UROC1: variants seen among roughly 807,000 people sequenced by gnomAD.
UROC1 encodes urocanate hydratase 1.
In UROC1, 79 loss-of-function variants were observed where a neutral mutation model predicts 89.5. That is an observed-to-expected ratio of 0.88 (90% CI 0.74 to 1.06). The LOEUF is 1.06. Among genes scored for constraint, UROC1 ranks in the 50% least tolerant of loss-of-function variants. The pLI, the probability that UROC1 is intolerant of heterozygous loss-of-function variation, is 0.00. For synonymous variants in UROC1, 361 were observed against 354.8 expected (o/e 1.02, Z -0.20); for missense variants, 885 against 907.8 (o/e 0.97, Z 0.32).
In UROC1 at chr3:126,500,838, C is replaced by T. The variant is rs777079949; in HGVS notation, c.1002G>A (p.Glu334=). 6.2e-7 allele frequency: 1 copy of T among 1,613,950 alleles called. No individual in the cohort carries two copies. Among genetic ancestry groups the T allele is most frequent in the Admixed American group, 1.7e-5 (1 of 60,032 alleles). Residue 334 remains glutamate, a synonymous_variant, in exon 11 of 20, where the codon GAG becomes GAA. Transcript: ENST00000290868. ...RLVHELDTTG[E]CLVDLGSDQT... is the part of the protein sequence containing the mutation. ...GATCTGACCCCAGGTCCACCAAGCA[C>T]TCCCCCGTCGTGTCCAATTCGTGGA... is the stretch of plus-strand genomic sequence containing the variant.
intron 1 of UROC1, among the ~76,000 whole-genome samples, chr3:126,511,527 G>A (rs1452720731): frequency 6.6e-6 from 1 of 152,240 alleles, no homozygotes; most frequent in African/African-American, 2.4e-5. Flanking sequence ...TTTTACTCAC[G>A]TGCTAGACAA....
At chr3:126,490,145 G>A (rs541003980) in intron 16 of UROC1, among the ~76,000 whole-genome samples, 1 of 152,338 alleles carries the variant, frequency 6.6e-6, no homozygotes, top group East Asian at 1.9e-4. Context: ...CGTGCTGCCA[G>A]TCTCTCTGAG....
chr3:126,503,104 G>A (rs1161462777), intron 9 of UROC1, among the ~76,000 whole-genome samples: 1 of 152,160 alleles, frequency 6.6e-6, no homozygotes, highest in African/African-American at 2.4e-5. Context: ...GAGTTAGGTC[G>A]GGGAAGCCCC....
intron 2 of UROC1, among the ~76,000 whole-genome samples, chr3:126,509,953 C>G (rs1936159360): frequency 6.6e-6 from 1 of 152,256 alleles, no homozygotes; most frequent in Non-Finnish European, 1.5e-5. Context: ...CCAGAAGCCT[C>G]TCCGTCTGGG....
intron 11 of UROC1, 114 bp downstream of exon 11, chr3:126,500,581 A>AT: frequency 7.7e-7 from 1 of 1,297,118 alleles, no homozygotes; most frequent in East Asian, 2.3e-5. Context: ...AGAGAGGTTA[A>AT]GGTCTTGCCC....
At position 126,481,448 on chromosome 3, in the gene UROC1, C is replaced by T. The variant is rs800950; in HGVS notation, c.*897G>A. The T allele has an allele frequency of 0.43, 65,841 of 152,126 alleles. 15,561 individuals are homozygous for T. The highest frequency in any genetic ancestry group is 0.56 in the Middle Eastern group (164 of 294). The allele number at this position is 152,126 out of a possible 1,614,324, so 9.4% of individuals were successfully genotyped here. On this transcript the variant is annotated 3_prime_UTR_variant, in exon 20 of 20. Coordinates refer to ENST00000290868, the MANE Select transcript of UROC1 (RefSeq NM_144639.3). ...TCCTGGAGAGGGCAGTGGCCTGCCC[C>T]TCTCCAATCCACCGACATGTGGGGT...
At chr3:126,483,284 G>T (rs1935431892) in intron 19 of UROC1, 85 bp downstream of exon 19, 4 of 1,239,216 alleles carry the variant, frequency 3.2e-6, no homozygotes, top group Non-Finnish European at 2.3e-6. Flanking sequence ...ACACCCAGGA[G>T]ATGCTGTATG....
rs1220124968 is a variant in UROC1, at chr3:126,496,207, A to G, written c.1439-99T>C. On this transcript the variant is annotated intron_variant, in intron 14 of 19. Coordinates refer to ENST00000290868, the MANE Select transcript of UROC1 (RefSeq NM_144639.3). The stretch of plus-strand genomic sequence containing the variant: ...TCAGCACAGACCCTGCCCCGAGCCC[A>G]CCACTGAGCTAGGACACAAGGTGAG... The G allele has an allele frequency of 7.3e-6, 9 of 1,233,928 alleles. No homozygotes were observed. In the South Asian group the frequency reaches 9.0e-5, roughly 12 times the overall value. The allele number at this position is 1,233,928 out of a possible 1,614,324, so 76.4% of individuals were successfully genotyped here. A position where few individuals can be genotyped will look rare whatever the true frequency, so the allele number is the denominator to read the frequency against.
At position 126,502,851 on chromosome 3, in the gene UROC1, ATG is replaced by A. The variant is rs1345725691; in HGVS notation, c.902+1142_902+1143del. On this transcript the variant is annotated intron_variant, in intron 9 of 19. Transcript: ENST00000290868. ...TGTTAAGTGTGTTCATGTGTGTTAC[ATG>A]TGTGTTGTGTGTTTGTGTGTGCAAG... is the stretch of plus-strand genomic sequence containing the variant. Among the ~76,000 whole-genome samples, 6 of 145,032 alleles carry A rather than the reference ATG, an allele frequency of 4.1e-5. No individual in the cohort carries two copies. In the East Asian group the frequency reaches 1.1e-3, roughly 25 times the overall value.
chr3:126,508,270 C>T, intron 4 of UROC1, 146 bp downstream of exon 4: 1 of 1,385,594 alleles, frequency 7.2e-7, no homozygotes, highest in Non-Finnish European at 1.0e-6. Flanking sequence ...CCTGAAATTT[C>T]CCCACACAAT....
At position 126,508,089 on chromosome 3, in the gene UROC1, G is replaced by A. The variant is rs773536430; in HGVS notation, c.418C>T (p.Leu140=). ...ATCTTCGACAAGTAGAACATGGTCA[G>A]CCAGAACTGGGGGAAGAGCAGAGCG... The part of the protein sequence containing the change: ...QVFSNWAQFW[L]TMFYLSKMTE... Residue 140 remains leucine, a synonymous_variant, in exon 5 of 20, where the codon CTG becomes TTG. Transcript: ENST00000290868. 47 of 1,613,764 alleles carry A rather than the reference G, an allele frequency of 2.9e-5. No individual in the cohort carries two copies. The highest frequency in any genetic ancestry group is 3.9e-5 in the Non-Finnish European group (46 of 1,180,026).
intron 9 of UROC1, among the ~76,000 whole-genome samples, chr3:126,503,729 C>T (rs953288277): frequency 6.6e-6 from 1 of 152,248 alleles, no homozygotes; most frequent in Admixed American, 6.5e-5. Flanking sequence ...AAGCCCACAG[C>T]CCAGTGGCTG....
chr3:126,516,987 T>C (rs1936343185), intron 1 of UROC1, among the ~76,000 whole-genome samples: 1 of 152,024 alleles, frequency 6.6e-6, no homozygotes, highest in Non-Finnish European at 1.5e-5. Flanking sequence ...ATTTCATTAC[T>C]CTTCTCCACA....
intron 1 of UROC1, among the ~76,000 whole-genome samples, chr3:126,512,645 C>T (rs1021502050): frequency 4.6e-5 from 7 of 152,096 alleles, no homozygotes; most frequent in Non-Finnish European, 1.0e-4. Flanking sequence ...ATTGCTTGAG[C>T]CCAGGTGTTT....
At chr3:126,502,005 G>A in intron 9 of UROC1, 2 of 1,484,314 alleles carry the variant, frequency 1.3e-6, no homozygotes, top group Non-Finnish European at 1.8e-6. Context: ...TCAGCTCGGG[G>A]GTTGCGGAAG....
At chr3:126,488,496 G>A (rs1935567383) in intron 17 of UROC1, among the ~76,000 whole-genome samples, 1 of 152,254 alleles carries the variant, frequency 6.6e-6, no homozygotes, top group Non-Finnish European at 1.5e-5. Flanking sequence ...TTGTCCCATG[G>A]TGGCGCTCTC....
rs374349021 is a variant in UROC1, at chr3:126,500,086, T to C, written c.1214A>G (p.Asn405Ser). The C allele has an allele frequency of 3.7e-6, 6 of 1,613,670 alleles. No homozygotes were observed. The highest frequency in any genetic ancestry group is 5.1e-6 in the Non-Finnish European group (6 of 1,179,990). ...EEKFFFWDYG[N>S]AFLLEAQRAG... ...TCTCTGGGCCTCCAAGAGGAAGGCA[T>C]TGCCGTAGTCCCAGAAGAAGAACTT... The change falls in exon 12 of 20, where the codon AAT becomes AGT. Residue 405 changes from asparagine to serine, a missense_variant. Coordinates refer to ENST00000290868, the MANE Select transcript of UROC1 (RefSeq NM_144639.3).
intron 9 of UROC1, among the ~76,000 whole-genome samples, chr3:126,502,204 G>A (rs1263104229): frequency 6.9e-6 from 1 of 145,216 alleles, no homozygotes; most frequent in Non-Finnish European, 1.5e-5. Context: ...GCGTGTGTTT[G>A]TGTGTGTGTC....
intron 1 of UROC1, among the ~76,000 whole-genome samples, chr3:126,512,355 T>C (rs1936213434): frequency 6.6e-6 from 1 of 152,244 alleles, no homozygotes; most frequent in Admixed American, 6.5e-5. Flanking sequence ...CAATGGGCAC[T>C]GCGGCACTGC....
Sources: allele counts gnomAD v4.1 joint callset (sites outside exome capture counted in the v4.1 genomes callset), GRCh38; gene constraint gnomAD v4.1.1; transcripts MANE v1.5; gene names NCBI Gene and HGNC (gene_info 2026-07-23, HGNC 2026-07-21).